The following ABCC1 variants were observed in gnomAD, a reference collection of about 807,000 sequenced individuals.
ABCC1 encodes ATP binding cassette subfamily C member 1 (ABCC1 blood group).
Under a neutral mutation model 172.9 loss-of-function variants are expected in ABCC1, and 83 were observed. That is an observed-to-expected ratio of 0.48 (90% CI 0.40 to 0.58). ABCC1 has a LOEUF of 0.58. Ranked by LOEUF, ABCC1 falls within the 20% of genes least tolerant of loss-of-function variation. The probability of loss-of-function intolerance (pLI) is 0.00; values close to 1 mark genes in which losing one functional copy is unlikely to be tolerated. For missense variants in ABCC1, 1,817 were observed against 2,002.7 expected (o/e 0.91, Z 1.77); for synonymous variants, 937 against 825.2 (o/e 1.14, Z -2.32).
At chr16:15,990,280 C>G (rs964905059) in intron 1 of ABCC1, among the ~76,000 whole-genome samples, 1 of 152,198 alleles carries the variant, frequency 6.6e-6, no homozygotes, top group Non-Finnish European at 1.5e-5. Context: ...CTCCTGACTT[C>G]AAGTGATCCA....
chr16:16,115,102 G>A, intron 23 of ABCC1, 26 bp downstream of exon 23: 1 of 1,606,186 alleles, frequency 6.2e-7, no homozygotes, highest in Non-Finnish European at 8.5e-7. Flanking sequence ...TTAGTGTTCG[G>A]GACAAGCCCT....
At chr16:15,962,619 CCTT>C (rs1555472450) in intron 1 of ABCC1, among the ~76,000 whole-genome samples, 1 of 152,166 alleles carries the variant, frequency 6.6e-6, no homozygotes, top group Non-Finnish European at 1.5e-5. Context: ...GCAAACATGT[CCTT>C]CTTCACATGG....
chr16:16,042,178 T>G (rs2049001986), intron 7 of ABCC1, among the ~76,000 whole-genome samples: 2 of 151,594 alleles, frequency 1.3e-5, no homozygotes, highest in African/African-American at 2.4e-5. Context: ...TGGCAGTTTT[T>G]TTTTTTTTTT....
At chr16:15,966,409 TAAAAAA>T (rs34914361) in intron 1 of ABCC1, among the ~76,000 whole-genome samples, 4 of 138,900 alleles carry the variant, frequency 2.9e-5, no homozygotes, top group Non-Finnish European at 6.2e-5. Context: ...GACTTTATCT[TAAAAAA>T]AAAAAAAAAA....
chr16:16,072,050 C>A lies in ABCC1; in HGVS notation c.1912+321C>A, dbSNP rs150090677. Reference sequence around the variant, plus strand: ...CCAAGGCTTTGACCTTGATTCTATTCTGGGCTAAATGAGGACTCTGGAGGC... The same window carrying A: ...CCAAGGCTTTGACCTTGATTCTATTATGGGCTAAATGAGGACTCTGGAGGC... On this transcript the variant is annotated intron_variant, in intron 14 of 30. Transcript: ENST00000399410. Among the ~76,000 whole-genome samples the A allele has an allele frequency of 8.2e-4, 125 of 152,270 alleles. 2 individuals carry two copies. The highest frequency in any genetic ancestry group is 2.9e-3 in the African/African-American group (119 of 41,550).
In ABCC1 at chr16:15,954,734, G is replaced by A. The variant is rs549599872; in HGVS notation, c.48+4935G>A. Among the ~76,000 whole-genome samples, 763 of 152,210 alleles carry A rather than the reference G, an allele frequency of 5.0e-3. 3 individuals carry two copies. The highest frequency in any genetic ancestry group is 6.9e-3 in the Non-Finnish European group (472 of 68,020). ...AAGGGTCGTGTTCTCTTTCTCCGAG[G>A]ACAAGTTCCATTTGTGATAGCCTGG... On this transcript the variant is annotated intron_variant, in intron 1 of 30. Coordinates refer to ENST00000399410, the MANE Select transcript of ABCC1 (RefSeq NM_004996.4).
rs557826151 is a variant in ABCC1 at position 16,124,649 on chromosome 16, T to C, written c.3591-140T>C. The C allele has an allele frequency of 2.5e-4, 318 of 1,251,802 alleles. No homozygotes were observed. In the African/African-American group the frequency reaches 4.2e-3, roughly 16 times the overall value. The allele number at this position is 1,251,802 out of a possible 1,614,324, so 77.5% of individuals were successfully genotyped here. ...CATTGTGCATGTTTTGAAAAAGCAG[T>C]GCCAGGAAGGACTCTCTCTGGAATT... On this transcript the variant is annotated intron_variant, in intron 24 of 30. Coordinates refer to ENST00000399410, the MANE Select transcript of ABCC1 (RefSeq NM_004996.4).
At chr16:16,129,587 G>T (rs2045596036) in intron 26 of ABCC1, among the ~76,000 whole-genome samples, 1 of 151,230 alleles carries the variant, frequency 6.6e-6, no homozygotes, top group Admixed American at 6.6e-5. Flanking sequence ...ACCCAGACTG[G>T]AGTGTAGTGG....
At position 16,006,906 on chromosome 16, in the gene ABCC1, G is replaced by A. The variant is rs531562543; in HGVS notation, c.49-910G>A. On this transcript the variant is annotated intron_variant, in intron 1 of 30. Coordinates refer to ENST00000399410, the MANE Select transcript of ABCC1 (RefSeq NM_004996.4). ...GATGGTGGTGGTGATGGTGGCGATG[G>A]TGATGATGATGGTGGTGATGGTGGT... is the stretch of plus-strand genomic sequence containing the variant. 2.5e-5 allele frequency among the ~76,000 whole-genome samples: 3 copies of A among 120,006 alleles called. No homozygotes were observed. In the South Asian group the frequency reaches 7.8e-4, roughly 31 times the overall value. The allele number at this position is 120,006 out of a possible 152,430, so 78.7% of individuals were successfully genotyped here.
intron 1 of ABCC1, among the ~76,000 whole-genome samples, chr16:15,981,410 A>T (rs1412221871): frequency 6.6e-6 from 1 of 152,088 alleles, no homozygotes; most frequent in Non-Finnish European, 1.5e-5. Flanking sequence ...AGGCATTTCC[A>T]TGCATCCTCT....
At chr16:16,124,407 GTGTA>G (rs1356764958) in intron 24 of ABCC1, among the ~76,000 whole-genome samples, 22 of 149,812 alleles carry the variant, frequency 1.5e-4, no homozygotes, top group African/African-American at 2.2e-4. Flanking sequence ...GTGTGTGTGT[GTGTA>G]TGTGTGTGTG....
chr16:16,100,962 T>C (rs547923303), intron 19 of ABCC1, among the ~76,000 whole-genome samples: 2 of 152,272 alleles, frequency 1.3e-5, no homozygotes, highest in African/African-American at 4.8e-5. Context: ...GGGCACCTGC[T>C]CAGTTTTTAA....
intron 2 of ABCC1, among the ~76,000 whole-genome samples, 173 bp downstream of exon 2, chr16:16,008,165 G>T (rs531248157): frequency 6.6e-6 from 1 of 152,056 alleles, no homozygotes; most frequent in African/African-American, 2.4e-5. Flanking sequence ...ACAAACATGG[G>T]TACAAATCTT....
intron 26 of ABCC1, 102 bp from the exon 27 acceptor site, chr16:16,131,687 C>T: frequency 7.1e-7 from 1 of 1,406,012 alleles, no homozygotes; most frequent in South Asian, 1.4e-5. Context: ...GCCTGGGAGG[C>T]CACCTTGGGC....
intron 1 of ABCC1, among the ~76,000 whole-genome samples, chr16:15,995,977 G>GTTTTTTT (rs565769136): frequency 8.1e-5 from 8 of 98,612 alleles, no homozygotes; most frequent in East Asian, 3.1e-4. Flanking sequence ...GCCCAGCTAA[G>GTTTTTTT]TTTTTTTTTT....
intron 26 of ABCC1, among the ~76,000 whole-genome samples, chr16:16,130,452 A>G (rs1029586820): frequency 6.6e-6 from 1 of 152,228 alleles, no homozygotes; most frequent in Non-Finnish European, 1.5e-5. Flanking sequence ...TACTCACTGC[A>G]GTGTGAGGAA....
intron 12 of ABCC1, among the ~76,000 whole-genome samples, chr16:16,062,448 G>T (rs901209757): frequency 6.6e-6 from 1 of 152,112 alleles, no homozygotes; most frequent in Non-Finnish European, 1.5e-5. Flanking sequence ...CTGAGCTAAA[G>T]CGATCCTCCT....
chr16:15,996,250 TG>T (rs2047052766), intron 1 of ABCC1, among the ~76,000 whole-genome samples: 2 of 152,162 alleles, frequency 1.3e-5, no homozygotes, highest in South Asian at 4.1e-4. Flanking sequence ...CCCAAAGTGC[TG>T]GGATTACAGG....
intron 12 of ABCC1, among the ~76,000 whole-genome samples, chr16:16,067,079 T>TG (rs886484956): frequency 6.6e-6 from 1 of 151,866 alleles, no homozygotes; most frequent in African/African-American, 2.4e-5. Context: ...AGGGAGACCC[T>TG]GTCTCTACAA....
Sources: gnomAD v4.1 joint callset for allele counts (sites outside exome capture counted in the v4.1 genomes callset) on GRCh38, gnomAD v4.1.1 for gene constraint, MANE v1.5 for transcripts, NCBI Gene and HGNC (gene_info 2026-07-23, HGNC 2026-07-21) for gene names.